The following DMD variants were observed in gnomAD, a reference collection of about 807,000 sequenced individuals.
The protein encoded by DMD is dystrophin.
Under a neutral mutation model 330.1 loss-of-function variants are expected in DMD, and 63 were observed. The observed-to-expected ratio is 0.19, with a 90% CI of 0.16 to 0.24. DMD has a LOEUF of 0.24. Ranked by LOEUF, DMD falls within the 10% of genes least tolerant of loss-of-function variation. DMD has a pLI of 1.00. For synonymous variants in DMD, 1,223 were observed against 959.8 expected, an observed-to-expected ratio of 1.27 and a Z score of -5.07; for missense variants, 3,344 against 2,684.1, an observed-to-expected ratio of 1.25 and a Z score of -5.43.
intron 55 of DMD, among the ~76,000 whole-genome samples, chrX:31,522,363 C>CTCTCTATATATATATATA: frequency 1.8e-3 from 64 of 35,946 alleles, no homozygotes; most frequent in African/African-American, 3.0e-3. Context: ...CTCTCTCTCT[C>CTCTCTATATATATATATA]TATATATATA....
At chrX:32,908,159 GTGT>G (rs779824795) in intron 2 of DMD, among the ~76,000 whole-genome samples, 2 of 112,224 alleles carry the variant, frequency 1.8e-5, no homozygotes, top group African/African-American at 6.4e-5. Flanking sequence ...CAATAATTAA[GTGT>G]TGTTCTATTA....
At chrX:32,497,939 A>C (rs968648289) in intron 19 of DMD, among the ~76,000 whole-genome samples, 2 of 111,955 alleles carry the variant, frequency 1.8e-5, no homozygotes, top group African/African-American at 6.5e-5. Context: ...TACTATATTT[A>C]ATGGCTAAAT....
At chrX:32,781,681 G>A (rs1030478421) in intron 7 of DMD, among the ~76,000 whole-genome samples, 2 of 110,096 alleles carry the variant, frequency 1.8e-5, no homozygotes, top group Admixed American at 9.8e-5. Flanking sequence ...TACTACATTC[G>A]TCTTATTCCA....
intron 34 of DMD, among the ~76,000 whole-genome samples, chrX:32,370,121 C>T (rs1381551581): frequency 1.8e-5 from 2 of 110,764 alleles, no homozygotes; most frequent in Non-Finnish European, 3.8e-5. Flanking sequence ...GAATACATTG[C>T]CATATTACTG....
intron 44 of DMD, among the ~76,000 whole-genome samples, chrX:32,160,364 G>A (rs957045535): frequency 3.6e-5 from 4 of 110,387 alleles, no homozygotes; most frequent in Non-Finnish European, 3.8e-5. Flanking sequence ...CTCCTGAGTA[G>A]CTGGGATTAC....
intron 30 of DMD, among the ~76,000 whole-genome samples, chrX:32,403,831 G>C (rs114523593): frequency 1.2e-3 from 131 of 111,993 alleles, no homozygotes; most frequent in African/African-American, 4.1e-3. Flanking sequence ...CTCTGGGTTA[G>C]TTCTCCATTT....
intron 2 of DMD, among the ~76,000 whole-genome samples, chrX:32,880,069 C>A (rs1425114887): frequency 9.0e-6 from 1 of 111,141 alleles, no homozygotes; most frequent in African/African-American, 3.3e-5. Context: ...ACATTCATCT[C>A]AATTGAGCAA....
intron 9 of DMD, among the ~76,000 whole-genome samples, chrX:32,645,390 C>G (rs780253097): frequency 3.6e-5 from 4 of 112,004 alleles, no homozygotes; most frequent in Admixed American, 9.5e-5. Flanking sequence ...TAAAGCTCTT[C>G]TAGATTACTG....
At chrX:31,169,291 A>AG (rs1183042780) in intron 74 of DMD, 152 bp downstream of exon 74, 23 of 448,482 alleles carry the variant, frequency 5.1e-5, no homozygotes, top group Admixed American at 2.0e-4. Flanking sequence ...AAAAAAAAAA[A>AG]AGAGAGAGAG....
intron 44 of DMD, among the ~76,000 whole-genome samples, chrX:32,157,483 T>C (rs1240116658): frequency 8.9e-6 from 1 of 112,422 alleles, no homozygotes; most frequent in Non-Finnish European, 1.9e-5. Flanking sequence ...TCAGTCTACA[T>C]TTTTTCTCTA....
intron 1 of DMD, among the ~76,000 whole-genome samples, chrX:33,184,921 A>G (rs1050229316): frequency 3.7e-5 from 4 of 108,940 alleles, no homozygotes; most frequent in African/African-American, 6.7e-5. Flanking sequence ...ATGGGGTTTC[A>G]CCATGTTGGT....
intron 72 of DMD, 125 bp downstream of exon 72, chrX:31,173,414 T>G (rs1454994577): frequency 4.2e-5 from 33 of 789,207 alleles, no homozygotes; most frequent in Non-Finnish European, 5.2e-5. Context: ...AGAGGGCAAG[T>G]TGATTAGTAG....
At chrX:32,125,950 C>T (rs2096659595) in intron 44 of DMD, among the ~76,000 whole-genome samples, 1 of 111,997 alleles carries the variant, frequency 8.9e-6, no homozygotes, top group Non-Finnish European at 1.9e-5. Context: ...ATTTAGGCCC[C>T]ATCCCAGATC....
chrX:31,131,984 T>G (rs2034573454), intron 77 of DMD, among the ~76,000 whole-genome samples: 1 of 111,859 alleles, frequency 8.9e-6, no homozygotes, highest in African/African-American at 3.2e-5. Context: ...TCTTGTGTTT[T>G]TTGTGTATTT....
At chrX:31,684,706 C>T (rs1401204732) in intron 52 of DMD, among the ~76,000 whole-genome samples, 3 of 111,967 alleles carry the variant, frequency 2.7e-5, no homozygotes, top group Non-Finnish European at 5.6e-5. Flanking sequence ...CATCTTAGAA[C>T]AATTAAGAGG....
chrX:31,565,922 C>T (rs1603379735), intron 55 of DMD, among the ~76,000 whole-genome samples: 1 of 112,003 alleles, frequency 8.9e-6, no homozygotes, highest in African/African-American at 3.2e-5. Flanking sequence ...TTTGGTGAAA[C>T]GTTTCTTGAT....
chrX:32,680,654 A>G (rs1396035053), intron 9 of DMD, among the ~76,000 whole-genome samples: 3 of 112,224 alleles, frequency 2.7e-5, no homozygotes, highest in Non-Finnish European at 5.6e-5. Context: ...ATTACTTCAA[A>G]AATTAGTGAA....
chrX:32,187,070 G>A (rs1030348908), intron 44 of DMD, among the ~76,000 whole-genome samples: 2 of 109,763 alleles, frequency 1.8e-5, no homozygotes, highest in Non-Finnish European at 3.8e-5. Flanking sequence ...CAAAGCATAA[G>A]GGGCCATCCA....
intron 2 of DMD, among the ~76,000 whole-genome samples, chrX:32,921,563 G>A (rs1375379359): frequency 9.0e-6 from 1 of 111,596 alleles, no homozygotes; most frequent in East Asian, 2.8e-4. Flanking sequence ...CTATGCGCAT[G>A]TATGTACAGC....
Sources: gnomAD v4.1 joint callset for allele counts (sites outside exome capture counted in the v4.1 genomes callset) on GRCh38, gnomAD v4.1.1 for gene constraint, MANE v1.5 for transcripts, NCBI Gene and HGNC (gene_info 2026-07-23, HGNC 2026-07-21) for gene names.